AHI1: variants seen among roughly 807,000 people sequenced by gnomAD.
The protein encoded by AHI1 is Abelson helper integration site 1.
In AHI1, 123 loss-of-function variants were observed where a neutral mutation model predicts 149.3. That is an observed-to-expected ratio of 0.82 (90% CI 0.71 to 0.96). The LOEUF (loss-of-function observed/expected upper bound fraction) is 0.96, where lower values mean the gene tolerates loss of function less well. Ranked by LOEUF, AHI1 falls within the 40% of genes least tolerant of loss-of-function variation. AHI1 has a pLI of 0.00. For synonymous variants in AHI1, 475 were observed against 459.8 expected (o/e 1.03, Z -0.42); for missense variants, 1,439 against 1,422.7 (o/e 1.01, Z -0.18).
chr6:135,363,865 C>A (rs531053390), intron 23 of AHI1, among the ~76,000 whole-genome samples: 1 of 148,250 alleles, frequency 6.7e-6, no homozygotes, highest in Non-Finnish European at 1.5e-5. Context: ...CCTCACCCCC[C>A]GGACGGGGCG....
chr6:135,490,856 C>T (rs1795159694), intron 4 of AHI1, 109 bp from the exon 5 acceptor site: 12 of 1,328,630 alleles, frequency 9.0e-6, no homozygotes, highest in Non-Finnish European at 1.2e-5. Flanking sequence ...CATGAGTTCT[C>T]TAGCTACATT....
Position 135,298,385 on chromosome 6 carries a change from GCTGT to G in AHI1, c.3485+2111_3485+2114del, listed in dbSNP as rs1373705152. Among the ~76,000 whole-genome samples the G allele has an allele frequency of 6.6e-5, 10 of 150,552 alleles. No individual in the cohort carries two copies. The South Asian group carries it at 1.3e-3, about 19-fold the overall frequency. On this transcript the variant is annotated intron_variant, in intron 27 of 28. Coordinates refer to ENST00000265602, the MANE Select transcript of AHI1 (RefSeq NM_001134831.2). ...AAATTCAAGTGGAAAGTAGTAAGAGGCTGTCTATGTGGCTCATTTACATATATTG... is the reference window on the plus strand; with the variant it reads ...AAATTCAAGTGGAAAGTAGTAAGAGGCTATGTGGCTCATTTACATATATTG...
rs1435696725 is a variant in AHI1, at chr6:135,380,743, CCAA to C, written c.3109+14030_3109+14032del. 6.8e-4 allele frequency among the ~76,000 whole-genome samples: 82 copies of C among 120,676 alleles called. 1 individual carries two copies. The highest frequency in any genetic ancestry group is 3.1e-3 in the African/African-American group (79 of 25,816). 79.2% of individuals were successfully genotyped at this position (120,676 alleles called of 152,430 possible). A position where few individuals can be genotyped will look rare whatever the true frequency, so the allele number is the denominator to read the frequency against. ...TTTAAGTAAAATAACCCCCCCCCCC[CCAA>C]AAAAAAAGTACAAAGTTAAAACAAG... On this transcript the variant is annotated intron_variant, in intron 23 of 28. Transcript: ENST00000265602.
chr6:135,457,929 T>G (rs1379218439), intron 8 of AHI1, among the ~76,000 whole-genome samples: 1 of 152,186 alleles, frequency 6.6e-6, no homozygotes, highest in African/African-American at 2.4e-5. Flanking sequence ...TCCTTGTTTA[T>G]ATTTTTCCTA....
intron 27 of AHI1, among the ~76,000 whole-genome samples, chr6:135,297,006 T>C (rs1248477115): frequency 6.6e-6 from 1 of 152,230 alleles, no homozygotes; most frequent in Non-Finnish European, 1.5e-5. Flanking sequence ...AGAGAGCAGA[T>C]GATCACATTT....
chr6:135,453,309 T>C (rs1476194274), intron 11 of AHI1, 32 bp downstream of exon 11: 1 of 1,504,172 alleles, frequency 6.6e-7, no homozygotes, highest in Non-Finnish European at 9.1e-7. Context: ...GAAGACTAGT[T>C]TTAAAGTGTT....
intron 17 of AHI1, 86 bp from the exon 18 acceptor site, chr6:135,430,086 C>A (rs900825117): frequency 2.8e-6 from 2 of 714,728 alleles, no homozygotes; most frequent in Non-Finnish European, 4.7e-6. Flanking sequence ...CTTAAAATAT[C>A]ATTTCCAATT....
At chr6:135,340,940 T>A (rs1046393438) in intron 24 of AHI1, among the ~76,000 whole-genome samples, 46 of 150,812 alleles carry the variant, frequency 3.1e-4, no homozygotes, top group African/African-American at 1.1e-3. Flanking sequence ...GGGCAAACAC[T>A]GAAAAAACTC....
chr6:135,402,831 A>G lies in AHI1; in HGVS notation c.2988+2120T>C, dbSNP rs1295301586. ...GTATATAATACACATAACACATAAA[A>G]TATGTGTTAACTGTTTACATTATCA... On this transcript the variant is annotated intron_variant, in intron 22 of 28. Transcript: ENST00000265602. Among the ~76,000 whole-genome samples, 5 of 152,262 alleles carry G rather than the reference A, an allele frequency of 3.3e-5. No individual in the cohort carries two copies. The East Asian group carries it at 7.7e-4, about 23-fold the overall frequency.
At chr6:135,370,033 GTTCTTT>G (rs1461917396) in intron 23 of AHI1, among the ~76,000 whole-genome samples, 2 of 152,084 alleles carry the variant, frequency 1.3e-5, no homozygotes, top group Non-Finnish European at 2.9e-5. Context: ...TTTATTCATT[GTTCTTT>G]TTCTTTGTTA....
At chr6:135,412,836 T>C (rs113429532) in intron 20 of AHI1, among the ~76,000 whole-genome samples, 2,885 of 152,276 alleles carry the variant, frequency 0.019, 105 homozygotes, top group African/African-American at 0.066. Context: ...TGGATAAACC[T>C]TCAGGGAGTC....
intron 22 of AHI1, among the ~76,000 whole-genome samples, chr6:135,403,557 T>G (rs144510730): frequency 2.0e-5 from 3 of 152,316 alleles, no homozygotes; most frequent in Admixed American, 6.5e-5. Flanking sequence ...CACTTTATTC[T>G]CTGGACATTC....
chr6:135,422,883 C>A (rs778331113), intron 20 of AHI1, among the ~76,000 whole-genome samples: 1 of 151,678 alleles, frequency 6.6e-6, no homozygotes, highest in African/African-American at 2.4e-5. Flanking sequence ...AAATTGAAAA[C>A]CAACAACACA....
chr6:135,306,437 C>T (rs773574421), intron 26 of AHI1, among the ~76,000 whole-genome samples: 41 of 152,046 alleles, frequency 2.7e-4, no homozygotes, highest in Non-Finnish European at 5.7e-4. Flanking sequence ...AGCAGAAGAC[C>T]AAGTCAACTT....
intron 7 of AHI1, 78 bp downstream of exon 7, chr6:135,465,736 A>G (rs1168035017): frequency 1.6e-6 from 2 of 1,225,028 alleles, no homozygotes; most frequent in East Asian, 2.6e-5. Context: ...TCTTTGTTAA[A>G]CCACAGATAA....
intron 26 of AHI1, among the ~76,000 whole-genome samples, chr6:135,304,465 G>T (rs1463230805): frequency 6.6e-6 from 1 of 152,116 alleles, no homozygotes; most frequent in Admixed American, 6.5e-5. Context: ...GTTTCTAGAA[G>T]CATACTGTAA....
intron 24 of AHI1, among the ~76,000 whole-genome samples, chr6:135,355,902 A>AAAACAAAC (rs144981184): frequency 2.0e-5 from 3 of 151,308 alleles, no homozygotes; most frequent in Admixed American, 6.6e-5. Context: ...CTGTCTCAAA[A>AAAACAAAC]AAACAAACAA....
chr6:135,332,163 G>A (rs555788744), intron 24 of AHI1, among the ~76,000 whole-genome samples: 36 of 150,734 alleles, frequency 2.4e-4, no homozygotes, highest in African/African-American at 8.0e-4. Flanking sequence ...TCCGTCTCCC[G>A]GGTTCAAGCG....
chr6:135,395,031 G>T, intron 22 of AHI1, 135 bp from the exon 23 acceptor site: 2 of 820,956 alleles, frequency 2.4e-6, no homozygotes, highest in Non-Finnish European at 3.7e-6. Context: ...TGATGTACAT[G>T]GTTAGTTTGT....
Sources: gnomAD v4.1 joint callset for allele counts (sites outside exome capture counted in the v4.1 genomes callset) on GRCh38, gnomAD v4.1.1 for gene constraint, MANE v1.5 for transcripts, NCBI Gene and HGNC (gene_info 2026-07-23, HGNC 2026-07-21) for gene names.